Variants in GMDS observed in about 807,000 individuals in gnomAD.
The protein encoded by GMDS is GDP-mannose 4,6 dehydratase.
Under a neutral mutation model 49.9 loss-of-function variants are expected in GMDS, and 20 were observed. The observed-to-expected ratio is 0.40, with a 90% CI of 0.28 to 0.58. The LOEUF is 0.58. Among genes scored for constraint, GMDS ranks in the 20% least tolerant of loss-of-function variants. The pLI, the probability that GMDS is intolerant of heterozygous loss-of-function variation, is 0.42. For missense variants in GMDS, 362 were observed against 481.4 expected, an observed-to-expected ratio of 0.75 and a Z score of 2.32; for synonymous variants, 177 against 178.6, an observed-to-expected ratio of 0.99 and a Z score of 0.07.
At chr6:1,672,322 A>G (rs1253774843) in intron 9 of GMDS, among the ~76,000 whole-genome samples, 1 of 152,204 alleles carries the variant, frequency 6.6e-6, no homozygotes, top group Non-Finnish European at 1.5e-5. Flanking sequence ...AAGGTCATAG[A>G]GAAAAGTGGG....
rs1468741196 is a variant in GMDS at position 2,052,125 on chromosome 6, AAAAAAG to A, written c.345+63640_345+63645del. Among the ~76,000 whole-genome samples, 31 of 141,184 alleles carry A rather than the reference AAAAAAG, an allele frequency of 2.2e-4. 1 individual carries two copies. Among genetic ancestry groups the A allele is most frequent in the East Asian group, 1.8e-3 (9 of 4,934 alleles). The allele number at this position is 141,184 out of a possible 152,430, so 92.6% of individuals were successfully genotyped here. ...GAGCAAGACTCTGTCTCAAAAAAAAAAAAAAGAAAAAAAAAAAACAGAAAAGAAAAA... is the reference window on the plus strand; with the variant it reads ...GAGCAAGACTCTGTCTCAAAAAAAAAAAAAAAAAAAAACAGAAAAGAAAAA... On this transcript the variant is annotated intron_variant, in intron 4 of 10. Transcript: ENST00000380815.
At chr6:2,031,240 C>T (rs1366572866) in intron 4 of GMDS, among the ~76,000 whole-genome samples, 1 of 152,194 alleles carries the variant, frequency 6.6e-6, no homozygotes, top group Non-Finnish European at 1.5e-5. Flanking sequence ...AGCTGTTTTG[C>T]CCAGGCTGAG....
intron 7 of GMDS, among the ~76,000 whole-genome samples, chr6:1,866,907 A>C (rs915311685): frequency 6.6e-6 from 1 of 152,260 alleles, no homozygotes; most frequent in Non-Finnish European, 1.5e-5. Context: ...CACCATGCTC[A>C]CTGGATGATA....
chr6:1,741,614 C>T (rs1446630647), intron 8 of GMDS, among the ~76,000 whole-genome samples: 1 of 151,752 alleles, frequency 6.6e-6, no homozygotes, highest in Non-Finnish European at 1.5e-5. Context: ...AGTTCGAAGA[C>T]TAGCCTGGTC....
At chr6:2,233,884 A>G (rs1301497551) in intron 1 of GMDS, among the ~76,000 whole-genome samples, 2 of 152,294 alleles carry the variant, frequency 1.3e-5, no homozygotes, top group Non-Finnish European at 1.5e-5. Flanking sequence ...CAGTTTGTCG[A>G]TCCTGCTCTA....
chr6:1,683,098 A>G (rs1400905524), intron 9 of GMDS, among the ~76,000 whole-genome samples: 1 of 152,056 alleles, frequency 6.6e-6, no homozygotes, highest in Non-Finnish European at 1.5e-5. Flanking sequence ...TACAGCACAC[A>G]TTTTACTCCA....
At chr6:2,069,274 G>T (rs990919618) in intron 4 of GMDS, among the ~76,000 whole-genome samples, 1 of 152,144 alleles carries the variant, frequency 6.6e-6, no homozygotes, top group Non-Finnish European at 1.5e-5. Flanking sequence ...ATTCAAGATG[G>T]ATTAAAGACT....
intron 4 of GMDS, among the ~76,000 whole-genome samples, chr6:2,053,329 C>T (rs1562009368): frequency 6.6e-6 from 1 of 151,870 alleles, no homozygotes; most frequent in Admixed American, 6.6e-5. Flanking sequence ...GTACAGTTTC[C>T]ATGTCTGGTC....
chr6:1,657,869 AG>A (rs66573758), intron 9 of GMDS, among the ~76,000 whole-genome samples: 39,511 of 109,094 alleles, frequency 0.36, 7,440 homozygotes, highest in Non-Finnish European at 0.41. Context: ...AAAAAAAAAA[AG>A]AAAAAGAAAA....
chr6:1,642,264 T>C (rs1258645982), intron 9 of GMDS, among the ~76,000 whole-genome samples: 1 of 150,176 alleles, frequency 6.7e-6, no homozygotes, highest in East Asian at 2.0e-4. Flanking sequence ...CCTCCCAGGT[T>C]CAAGAGATTC....
intron 7 of GMDS, among the ~76,000 whole-genome samples, chr6:1,770,002 A>G (rs1439779351): frequency 6.6e-6 from 1 of 152,236 alleles, no homozygotes; most frequent in Admixed American, 6.5e-5. Context: ...CTGGGATTAC[A>G]GGTGTGAGCC....
chr6:1,979,818 G>A (rs1765119371), intron 4 of GMDS, among the ~76,000 whole-genome samples: 1 of 152,148 alleles, frequency 6.6e-6, no homozygotes. Flanking sequence ...CACCTACAAA[G>A]GGAAGCACGT....
intron 8 of GMDS, among the ~76,000 whole-genome samples, chr6:1,728,872 TCTTC>T (rs1766686366): frequency 6.6e-6 from 1 of 152,194 alleles, no homozygotes; most frequent in Non-Finnish European, 1.5e-5. Flanking sequence ...TCTTATTTTT[TCTTC>T]CTTATTATTT....
At chr6:1,957,959 C>T (rs879676502) in intron 6 of GMDS, among the ~76,000 whole-genome samples, 7 of 151,944 alleles carry the variant, frequency 4.6e-5, no homozygotes, top group Non-Finnish European at 8.8e-5. Context: ...CCCATGACCA[C>T]ACCTGGCTGA....
rs192210917 is a variant in GMDS at position 2,064,124 on chromosome 6, G to A, written c.345+51647C>T. Among the ~76,000 whole-genome samples the A allele has an allele frequency of 2.5e-3, 376 of 152,184 alleles. 1 individual carries two copies. Among genetic ancestry groups the A allele is most frequent in the African/African-American group, 8.8e-3 (364 of 41,526 alleles). On this transcript the variant is annotated intron_variant, in intron 4 of 10. Coordinates refer to ENST00000380815, the MANE Select transcript of GMDS (RefSeq NM_001500.4). ...ACCAACAAAAGGCACCCAATAAAAC[G>A]GCTTTCAGAATACAAAGAGTAGATC...
intron 7 of GMDS, among the ~76,000 whole-genome samples, chr6:1,910,897 A>C (rs1228972989): frequency 6.6e-6 from 1 of 152,208 alleles, no homozygotes; most frequent in Non-Finnish European, 1.5e-5. Flanking sequence ...CATTGCTATT[A>C]AAAAACTGGC....
At chr6:1,913,738 G>A (rs1016747921) in intron 7 of GMDS, among the ~76,000 whole-genome samples, 4 of 152,310 alleles carry the variant, frequency 2.6e-5, no homozygotes, top group Admixed American at 2.6e-4. Context: ...GGGTGGCCCT[G>A]CTAGAATACA....
chr6:1,682,154 C>T (rs1452817890), intron 9 of GMDS, among the ~76,000 whole-genome samples: 1 of 152,142 alleles, frequency 6.6e-6, no homozygotes, highest in Non-Finnish European at 1.5e-5. Context: ...TTGTTAAATA[C>T]CTATGTTTTA....
At chr6:1,721,752 TA>T (rs1561756301) in intron 9 of GMDS, among the ~76,000 whole-genome samples, 5 of 152,298 alleles carry the variant, frequency 3.3e-5, no homozygotes, top group Admixed American at 2.0e-4. Flanking sequence ...ATTTTTAAGT[TA>T]AAAATTCTCA....
Sources: gnomAD v4.1 joint callset for allele counts (sites outside exome capture counted in the v4.1 genomes callset) on GRCh38, gnomAD v4.1.1 for gene constraint, MANE v1.5 for transcripts, NCBI Gene and HGNC (gene_info 2026-07-23, HGNC 2026-07-21) for gene names.